CAMKMT: variants seen among roughly 807,000 people sequenced by gnomAD.
The protein encoded by CAMKMT is calmodulin-lysine N-methyltransferase.
CAMKMT carries 53 observed loss-of-function variants against 48.0 expected under a neutral mutation model. The ratio of observed to expected loss-of-function variants is 1.10; its 90% CI spans 0.89 to 1.39. CAMKMT has a LOEUF of 1.39. Ranked by LOEUF, CAMKMT falls within the 40% of genes most tolerant of loss-of-function variation. The pLI, the probability that CAMKMT is intolerant of heterozygous loss-of-function variation, is 0.00. For missense variants in CAMKMT, 428 were observed against 402.7 expected (o/e 1.06, Z -0.54); for synonymous variants, 165 against 152.3 (o/e 1.08, Z -0.61).
intron 3 of CAMKMT, among the ~76,000 whole-genome samples, chr2:44,540,512 A>T (rs1667037723): frequency 6.6e-6 from 1 of 152,168 alleles, no homozygotes; most frequent in East Asian, 1.9e-4. Flanking sequence ...GCACTTTGGG[A>T]GGCCGAGGTG....
intron 3 of CAMKMT, among the ~76,000 whole-genome samples, chr2:44,635,810 A>G (rs1673097976): frequency 6.6e-6 from 1 of 152,240 alleles, no homozygotes; most frequent in Admixed American, 6.5e-5. Flanking sequence ...TTATTAAGAT[A>G]CAATACACAA....
chr2:44,749,945 AGTAGGGGGCCTTACT>A (rs1193059626), intron 8 of CAMKMT, among the ~76,000 whole-genome samples: 1 of 152,166 alleles, frequency 6.6e-6, no homozygotes, highest in Non-Finnish European at 1.5e-5. Context: ...TAGAAATGGG[AGTAGGGGGCCTTACT>A]TAGGCCCCTC....
At chr2:44,625,319 T>C (rs1672418185) in intron 3 of CAMKMT, among the ~76,000 whole-genome samples, 2 of 152,210 alleles carry the variant, frequency 1.3e-5, no homozygotes, top group Admixed American at 6.5e-5. Flanking sequence ...AAATCTTTTG[T>C]ACAGTTTTTA....
chr2:44,560,743 A>G (rs536011725), intron 3 of CAMKMT, among the ~76,000 whole-genome samples: 1 of 152,328 alleles, frequency 6.6e-6, no homozygotes, highest in East Asian at 1.9e-4. Context: ...AAGCCTACCT[A>G]TGCCCATCTC....
chr2:44,522,990 C>T (rs1252185189), intron 3 of CAMKMT, among the ~76,000 whole-genome samples: 2 of 152,112 alleles, frequency 1.3e-5, no homozygotes, highest in African/African-American at 4.8e-5. Context: ...TCCTAAGTTC[C>T]AGTAACATCT....
At chr2:44,689,277 T>TTTATTTAC (rs1676504986) in intron 3 of CAMKMT, among the ~76,000 whole-genome samples, 1 of 146,290 alleles carries the variant, frequency 6.8e-6, no homozygotes, top group Non-Finnish European at 1.5e-5. Context: ...TATTTATTTA[T>TTTATTTAC]TTATTTATTT....
chr2:44,539,149 C>G (rs568965533), intron 3 of CAMKMT, among the ~76,000 whole-genome samples: 38 of 151,872 alleles, frequency 2.5e-4, no homozygotes, highest in African/African-American at 8.7e-4. Flanking sequence ...ACTGAAAATA[C>G]AAAAACTTAG....
intron 3 of CAMKMT, among the ~76,000 whole-genome samples, chr2:44,447,833 G>A (rs889113271): frequency 4.6e-5 from 7 of 152,188 alleles, no homozygotes; most frequent in Non-Finnish European, 7.3e-5. Context: ...TACATACAGA[G>A]CATTGAGCAA....
At chr2:44,718,325 C>G (rs1453881683) in intron 7 of CAMKMT, among the ~76,000 whole-genome samples, 3 of 152,162 alleles carry the variant, frequency 2.0e-5, no homozygotes, top group African/African-American at 7.2e-5. Context: ...AGCCTTAGCC[C>G]TAGCTGAATC....
chr2:44,662,061 T>C (rs145148718), intron 3 of CAMKMT, among the ~76,000 whole-genome samples: 1 of 152,118 alleles, frequency 6.6e-6, no homozygotes, highest in Non-Finnish European at 1.5e-5. Context: ...TTGGGAAAGG[T>C]TTTTTCCCAA....
chr2:44,417,118 G>T (rs1067386), intron 3 of CAMKMT, among the ~76,000 whole-genome samples: 86,404 of 151,754 alleles, frequency 0.57, 25,688 homozygotes, highest in Non-Finnish European at 0.66. Context: ...TTTTATTCCC[G>T]AGTAGTATTG....
intron 9 of CAMKMT, among the ~76,000 whole-genome samples, chr2:44,764,173 A>G (rs1198839912): frequency 6.6e-6 from 1 of 152,204 alleles, no homozygotes; most frequent in Non-Finnish European, 1.5e-5. Context: ...ACAGAACCTT[A>G]AGTGTAGTGG....
intron 3 of CAMKMT, among the ~76,000 whole-genome samples, chr2:44,596,456 G>T (rs559508338): frequency 6.7e-6 from 1 of 149,968 alleles, no homozygotes; most frequent in East Asian, 2.0e-4. Context: ...CTCAAAAAAA[G>T]AAAAAAGAAA....
chr2:44,684,628 C>A (rs1429236148), intron 3 of CAMKMT, among the ~76,000 whole-genome samples: 1 of 152,088 alleles, frequency 6.6e-6, no homozygotes, highest in Non-Finnish European at 1.5e-5. Context: ...GATATGAGCA[C>A]CCATGACATG....
chr2:44,393,195 GA>G (rs1398976875), intron 3 of CAMKMT: 1 of 152,100 alleles, frequency 6.6e-6, no homozygotes, highest in East Asian at 1.9e-4. Flanking sequence ...AAAAGACGTG[GA>G]AAAATCTCTT....
intron 1 of CAMKMT, among the ~76,000 whole-genome samples, chr2:44,367,877 G>T (rs1430970707): frequency 6.6e-6 from 1 of 152,202 alleles, no homozygotes; most frequent in Non-Finnish European, 1.5e-5. Flanking sequence ...TCTTCTAAAA[G>T]ATTTTCAACC....
At chr2:44,480,449 G>A (rs951301124) in intron 3 of CAMKMT, among the ~76,000 whole-genome samples, 1 of 152,134 alleles carries the variant, frequency 6.6e-6, no homozygotes, top group Non-Finnish European at 1.5e-5. Flanking sequence ...GTTGCAAAAT[G>A]CTAAATAAAA....
chr2:44,528,023 CT>C (rs1666257613), intron 3 of CAMKMT, among the ~76,000 whole-genome samples: 1 of 152,022 alleles, frequency 6.6e-6, no homozygotes, highest in Non-Finnish European at 1.5e-5. Context: ...CCTTGTAGTT[CT>C]TTTAAAAACT....
chr2:44,715,487 A>G lies in CAMKMT; in HGVS notation c.623+134A>G, dbSNP rs149144576. On this transcript the variant is annotated intron_variant, in intron 7 of 10. Transcript: ENST00000378494. ...TGTCAGGCACTGTTTTAAGCACTTT[A>G]CAAGTATTATCTCATTTAATGCTCA... is the stretch of plus-strand genomic sequence containing the variant. 22 of 645,532 alleles carry G rather than the reference A, an allele frequency of 3.4e-5. No homozygotes were observed. The African/African-American group carries it at 3.7e-4, about 11-fold the overall frequency. The allele number at this position is 645,532 out of a possible 1,614,324, so 40.0% of individuals were successfully genotyped here. A position where few individuals can be genotyped will look rare whatever the true frequency, so the allele number is the denominator to read the frequency against.
Sources: gnomAD v4.1 joint callset for allele counts (sites outside exome capture counted in the v4.1 genomes callset) on GRCh38, gnomAD v4.1.1 for gene constraint, MANE v1.5 for transcripts, NCBI Gene and HGNC (gene_info 2026-07-23, HGNC 2026-07-21) for gene names.